Variants in ATL1 observed in about 807,000 individuals in gnomAD.
ATL1 encodes atlastin GTPase 1, also known as atlastin-1.
ATL1 carries 31 observed loss-of-function variants against 75.5 expected under a neutral mutation model. The ratio of observed to expected loss-of-function variants is 0.41; its 90% CI spans 0.31 to 0.55. The LOEUF (loss-of-function observed/expected upper bound fraction) is 0.55, where lower values mean the gene tolerates loss of function less well. ATL1 is among the 20% of genes least tolerant of loss of function. The pLI is 0.27. For synonymous variants in ATL1, 226 were observed against 233.3 expected, an observed-to-expected ratio of 0.97 and a Z score of 0.28; for missense variants, 405 against 662.6, an observed-to-expected ratio of 0.61 and a Z score of 4.27.
intron 1 of ATL1, among the ~76,000 whole-genome samples, chr14:50,576,243 T>G (rs2039005070): frequency 6.6e-6 from 1 of 152,306 alleles, no homozygotes; most frequent in African/African-American, 2.4e-5. Flanking sequence ...TGGGGTAGAT[T>G]AAGCTGTAAT....
At chr14:50,606,923 G>A (rs1398729110) in intron 6 of ATL1, among the ~76,000 whole-genome samples, 1 of 151,862 alleles carries the variant, frequency 6.6e-6, no homozygotes, top group East Asian at 1.9e-4. Context: ...ACAAAAATTA[G>A]GTCTTATTAT....
intron 1 of ATL1, among the ~76,000 whole-genome samples, chr14:50,587,002 C>T (rs2039108154): frequency 6.6e-6 from 1 of 152,150 alleles, no homozygotes; most frequent in African/African-American, 2.4e-5. Context: ...CCATTTCCAT[C>T]TCTTGGGCAA....
At position 50,595,737 on chromosome 14, in the gene ATL1, G is replaced by A. The variant is rs10131107; in HGVS notation, c.630+105G>A. 0.55 allele frequency: 609,515 copies of A among 1,100,928 alleles called. 172,561 individuals carry two copies. The highest frequency in any genetic ancestry group is 0.73 in the East Asian group (30,312 of 41,786). The allele number at this position is 1,100,928 out of a possible 1,614,324, so 68.2% of individuals were successfully genotyped here. On this transcript the variant is annotated intron_variant, in intron 6 of 13. Coordinates refer to ENST00000358385, the MANE Select transcript of ATL1 (RefSeq NM_015915.5). ...TTTCCTTCTCTTTTTATTTCATTGA[G>A]AAACCATTTTTGAACTATTTTATGC...
chr14:50,599,452 C>T (rs2039251249), intron 6 of ATL1, among the ~76,000 whole-genome samples: 1 of 152,150 alleles, frequency 6.6e-6, no homozygotes. Context: ...TGGGAACACT[C>T]AGGCCCTATT....
intron 1 of ATL1, among the ~76,000 whole-genome samples, chr14:50,554,999 G>T (rs906087566): frequency 5.9e-5 from 9 of 152,278 alleles, no homozygotes; most frequent in African/African-American, 2.2e-4. Context: ...TTTAGTATTA[G>T]ACCCCAAAAT....
intron 8 of ATL1, among the ~76,000 whole-genome samples, chr14:50,619,899 G>A (rs1311177593): frequency 4.6e-5 from 7 of 152,154 alleles, no homozygotes; most frequent in African/African-American, 1.7e-4. Context: ...TAATAAGCCA[G>A]TAAAAATCTG....
chr14:50,620,031 G>A (rs921542825), intron 8 of ATL1, among the ~76,000 whole-genome samples: 5 of 152,104 alleles, frequency 3.3e-5, no homozygotes, highest in African/African-American at 4.8e-5. Flanking sequence ...AGGCCGAGGC[G>A]GGAGGATCAT....
intron 1 of ATL1, among the ~76,000 whole-genome samples, chr14:50,567,687 G>C (rs2038917714): frequency 6.6e-6 from 1 of 152,058 alleles, no homozygotes; most frequent in African/African-American, 2.4e-5. Context: ...ATATCTCATT[G>C]TAGTTTTGAT....
intron 1 of ATL1, among the ~76,000 whole-genome samples, chr14:50,580,460 G>A (rs1224409678): frequency 1.3e-5 from 2 of 151,832 alleles, no homozygotes; most frequent in Non-Finnish European, 2.9e-5. Context: ...CTACTTTTAT[G>A]CATCTACTGA....
At chr14:50,573,029 C>G (rs901136162) in intron 1 of ATL1, among the ~76,000 whole-genome samples, 1 of 152,110 alleles carries the variant, frequency 6.6e-6, no homozygotes, top group Admixed American at 6.6e-5. Flanking sequence ...CCTTACAAAA[C>G]CATCAGATCT....
chr14:50,598,965 A>G (rs558717953), intron 6 of ATL1, among the ~76,000 whole-genome samples: 1 of 141,382 alleles, frequency 7.1e-6, no homozygotes, highest in South Asian at 2.1e-4. Context: ...AAAGAACTAA[A>G]TATGCAAGTT....
chr14:50,564,493 C>T (rs1303633431), intron 1 of ATL1, among the ~76,000 whole-genome samples: 2 of 151,090 alleles, frequency 1.3e-5, no homozygotes, highest in East Asian at 3.9e-4. Flanking sequence ...ACTGAAAATA[C>T]AAAAAATTAG....
chr14:50,625,921 AAAAT>A (rs1010096294), intron 11 of ATL1, among the ~76,000 whole-genome samples: 6 of 151,724 alleles, frequency 4.0e-5, no homozygotes, highest in Admixed American at 3.3e-4. Flanking sequence ...AAAGAAAAAA[AAAAT>A]CATGCTATAC....
intron 1 of ATL1, among the ~76,000 whole-genome samples, chr14:50,576,269 T>C (rs769200214): frequency 2.2e-4 from 34 of 152,126 alleles, no homozygotes; most frequent in Admixed American, 6.5e-5. Context: ...GGAGGTTAGG[T>C]GTATCAAATG....
intron 6 of ATL1, among the ~76,000 whole-genome samples, chr14:50,605,228 A>C (rs977764724): frequency 4.6e-5 from 7 of 151,452 alleles, no homozygotes; most frequent in African/African-American, 1.5e-4. Flanking sequence ...CTGCTTTGGG[A>C]CAGTGGTTCT....
chr14:50,592,023 G>A (rs2039163647), intron 4 of ATL1, among the ~76,000 whole-genome samples: 1 of 152,136 alleles, frequency 6.6e-6, no homozygotes, highest in Non-Finnish European at 1.5e-5. Context: ...TACATAGCCA[G>A]TAGAAACATT....
intron 6 of ATL1, among the ~76,000 whole-genome samples, chr14:50,607,743 A>C (rs1032466): frequency 0.27 from 41,015 of 151,984 alleles, 6,374 homozygotes; most frequent in South Asian, 0.37. Context: ...TCATATATTT[A>C]TAATGGATGT....
intron 1 of ATL1, among the ~76,000 whole-genome samples, chr14:50,550,090 C>T (rs185941063): frequency 2.6e-5 from 4 of 152,214 alleles, no homozygotes; most frequent in African/African-American, 7.2e-5. Context: ...GATAAGTGAT[C>T]CCAGCTGTAC....
chr14:50,625,625 G>T (rs2039511125), intron 11 of ATL1, among the ~76,000 whole-genome samples: 1 of 152,154 alleles, frequency 6.6e-6, no homozygotes, highest in Non-Finnish European at 1.5e-5. Flanking sequence ...AGGCACTTAA[G>T]AATCATGCTA....
Sources: gnomAD v4.1 joint callset for allele counts (sites outside exome capture counted in the v4.1 genomes callset) on GRCh38, gnomAD v4.1.1 for gene constraint, MANE v1.5 for transcripts, NCBI Gene and HGNC (gene_info 2026-07-23, HGNC 2026-07-21) for gene names.